Variants in TOR1AIP2 observed in about 807,000 individuals in gnomAD.
TOR1AIP2 encodes torsin 1A interacting protein 2.
In TOR1AIP2, 20 loss-of-function variants were observed where a neutral mutation model predicts 32.6. The observed-to-expected ratio is 0.61, with a 90% CI of 0.43 to 0.89. The LOEUF (loss-of-function observed/expected upper bound fraction) is 0.89, where lower values mean the gene tolerates loss of function less well. TOR1AIP2 is among the 40% of genes least tolerant of loss of function. The pLI is 0.00. For missense variants in TOR1AIP2, 456 were observed against 553.8 expected (o/e 0.82, Z 1.77); for synonymous variants, 214 against 210.8 (o/e 1.02, Z -0.13).
chr1:179,845,784 G>T lies in TOR1AIP2; in HGVS notation c.*287C>A. 3.4e-6 allele frequency: 1 copy of T among 291,680 alleles called. No individual in the cohort carries two copies. The highest frequency in any genetic ancestry group is 6.3e-6 in the Non-Finnish European group (1 of 159,118). 18.1% of individuals were successfully genotyped at this position (291,680 alleles called of 1,614,324 possible). On this transcript the variant is annotated 3_prime_UTR_variant, in exon 7 of 7. Transcript: ENST00000609928. The stretch of plus-strand genomic sequence containing the variant: ...TAAGAGTATCTTCCTGTGCAATGTT[G>T]CTATATTTTAGAATTTAAAAAAAAT...
chr1:179,845,931 T>A lies in TOR1AIP2; in HGVS notation c.*140A>T, dbSNP rs1025094922. 295 of 766,050 alleles carry A rather than the reference T, an allele frequency of 3.9e-4. 1 individual carries two copies. Among genetic ancestry groups the A allele is most frequent in the Non-Finnish European group, 3.7e-4 (187 of 502,616 alleles). The allele number at this position is 766,050 out of a possible 1,614,324, so 47.5% of individuals were successfully genotyped here. A position where few individuals can be genotyped will look rare whatever the true frequency, so the allele number is the denominator to read the frequency against. On this transcript the variant is annotated 3_prime_UTR_variant, in exon 7 of 7. Transcript: ENST00000609928. ...TTACAAGGAATAAAAAATAAAAACTTGTTTCTAAAATAAGCTCATCTTTGT... is the reference window on the plus strand; with the variant it reads ...TTACAAGGAATAAAAAATAAAAACTAGTTTCTAAAATAAGCTCATCTTTGT...
intron 3 of TOR1AIP2, chr1:179,859,068 T>C (rs1558017516): frequency 1.0e-6 from 1 of 983,810 alleles, no homozygotes; most frequent in Non-Finnish European, 1.2e-6. Context: ...AACACAATTT[T>C]ATTTTAGTGA....
chr1:179,852,647 T>G lies in TOR1AIP2; in HGVS notation c.19A>C (p.Arg7=). ...TCAGTCTTACCCTCTTGAGGTTCCC[T>G]AAGTCCACTGTCGGCCATGTTTGTG... MADSGL[R]EPQEDSQKDL... Residue 7 remains arginine (R), a synonymous_variant, in exon 4 of 7, where the codon AGG becomes CGG. Coordinates refer to ENST00000609928, the MANE Select transcript of TOR1AIP2 (RefSeq NM_001199260.2). 1 of 1,614,106 alleles carries G rather than the reference T, an allele frequency of 6.2e-7. No homozygotes were observed.
At chr1:179,870,292 A>G (rs532362644) in intron 2 of TOR1AIP2, among the ~76,000 whole-genome samples, 50 of 152,158 alleles carry the variant, frequency 3.3e-4, no homozygotes, top group African/African-American at 1.1e-3. Flanking sequence ...CCAGCTACTC[A>G]GGAGGCTGAG....
Position 179,864,875 on chromosome 1 carries a change from T to C in TOR1AIP2, c.-147+561A>G, listed in dbSNP as rs1275358231. The C allele has an allele frequency of 7.4e-6, 12 of 1,613,920 alleles. No individual in the cohort carries two copies. The South Asian group carries it at 1.2e-4, about 16-fold the overall frequency. On this transcript the variant is annotated intron_variant, in intron 3 of 6. Coordinates refer to ENST00000609928, the MANE Select transcript of TOR1AIP2 (RefSeq NM_001199260.2). ...GTTAAAACCAGCTACTCGAGAGTCA[T>C]GTATTCTTTTTCTAACCAGTGGAGG...
At chr1:179,876,921 TATATA>T (rs1647360354) in intron 2 of TOR1AIP2, among the ~76,000 whole-genome samples, 1 of 151,924 alleles carries the variant, frequency 6.6e-6, no homozygotes, top group Non-Finnish European at 1.5e-5. Flanking sequence ...GAATGGTACA[TATATA>T]ATATGTAAGC....
chr1:179,846,082 A>C lies in TOR1AIP2; in HGVS notation c.1402T>G (p.Cys468Gly). The change falls in exon 7 of 7, where the codon TGC (cysteine) becomes GGC (glycine). Residue 468 changes from cysteine (C) to glycine (G), a missense_variant. Transcript: ENST00000609928. ...CTCTGTGCTTAGCTTTAGAAAAGGCACCCCTGTTCTTCTATGCTACTCACT... is the reference window on the plus strand; with the variant it reads ...CTCTGTGCTTAGCTTTAGAAAAGGCCCCCCTGTTCTTCTATGCTACTCACT... ...QPVSSIEEQGCLF is the reference protein window; with the variant it reads ...QPVSSIEEQGGLF 1.9e-6 allele frequency: 3 copies of C among 1,612,940 alleles called. No individual in the cohort carries two copies. The highest frequency in any genetic ancestry group is 2.5e-6 in the Non-Finnish European group (3 of 1,179,112).
In TOR1AIP2 at chr1:179,846,069, C is replaced by T. The variant is rs1695889139; in HGVS notation, c.*2G>A. 1 of 1,611,778 alleles carries T rather than the reference C, an allele frequency of 6.2e-7. No homozygotes were observed. The highest frequency in any genetic ancestry group is 1.7e-5 in the Admixed American group (1 of 59,890). ...CTTCTGTAACCAACTCTGTGCTTAG[C>T]TTTAGAAAAGGCACCCCTGTTCTTC... On this transcript the variant is annotated 3_prime_UTR_variant, in exon 7 of 7. Transcript: ENST00000609928.
At chr1:179,868,935 T>A (rs1352343221) in intron 2 of TOR1AIP2, 1 of 152,290 alleles carries the variant, frequency 6.6e-6, no homozygotes, top group Non-Finnish European at 1.5e-5. Context: ...CTCCGCCTCC[T>A]GAGTTCAAGT....
At chr1:179,876,803 A>G (rs1438874554) in intron 2 of TOR1AIP2, among the ~76,000 whole-genome samples, 1 of 152,208 alleles carries the variant, frequency 6.6e-6, no homozygotes, top group African/African-American at 2.4e-5. Flanking sequence ...GTGTAACAGT[A>G]TAAAGTCTGA....
chr1:179,857,371 G>C (rs1047939599), intron 3 of TOR1AIP2, among the ~76,000 whole-genome samples: 3 of 152,210 alleles, frequency 2.0e-5, no homozygotes, highest in Admixed American at 2.0e-4. Context: ...GGTGAAGGCT[G>C]TAAGGTTTTA....
intron 3 of TOR1AIP2, 102 bp downstream of exon 3, chr1:179,865,324 GCTTGCACCTC>G: frequency 2.9e-6 from 3 of 1,029,286 alleles, no homozygotes; most frequent in Non-Finnish European, 4.2e-6. Context: ...AATAAACTTG[GCTTGCACCTC>G]CGTGCAATTC....
chr1:179,856,321 T>C (rs1696300001), intron 3 of TOR1AIP2, among the ~76,000 whole-genome samples: 1 of 152,230 alleles, frequency 6.6e-6, no homozygotes, highest in African/African-American at 2.4e-5. Context: ...TTTTCAAAAA[T>C]GTATTACTTG....
chr1:179,877,041 G>C (rs1347017311), intron 2 of TOR1AIP2, among the ~76,000 whole-genome samples, 198 bp downstream of exon 2: 1 of 151,284 alleles, frequency 6.6e-6, no homozygotes, highest in Non-Finnish European at 1.5e-5. Flanking sequence ...TGAATGTCGA[G>C]AACCTAGGCA....
At chr1:179,861,624 T>C (rs1696535931) in intron 3 of TOR1AIP2, 2 of 985,404 alleles carry the variant, frequency 2.0e-6, no homozygotes, top group Non-Finnish European at 2.4e-6. Flanking sequence ...ATGAGAAAAA[T>C]GTGGCTGAGT....
At chr1:179,854,344 A>C (rs978183338) in intron 3 of TOR1AIP2, among the ~76,000 whole-genome samples, 3 of 152,206 alleles carry the variant, frequency 2.0e-5, no homozygotes, top group African/African-American at 7.2e-5. Context: ...CAGAAAAAAA[A>C]ATATCATGCA....
chr1:179,852,810 G>T lies in TOR1AIP2; in HGVS notation c.-145C>A. On this transcript the variant is annotated splice_region_variant and 5_prime_UTR_variant, in exon 4 of 7. Transcript: ENST00000609928. Reference sequence around the variant, plus strand: ...CCAGGAAATAAGGCATATATACAGTGACTAAAACAAAATGAAAAAAAATTA... The same window carrying T: ...CCAGGAAATAAGGCATATATACAGTTACTAAAACAAAATGAAAAAAAATTA... 1 of 1,422,250 alleles carries T rather than the reference G, an allele frequency of 7.0e-7. No individual in the cohort carries two copies. The highest frequency in any genetic ancestry group is 9.2e-7 in the Non-Finnish European group (1 of 1,082,118). 88.1% of individuals were successfully genotyped at this position (1,422,250 alleles called of 1,614,324 possible).
At chr1:179,860,965 C>T (rs1165785242) in intron 3 of TOR1AIP2, 2 of 985,404 alleles carry the variant, frequency 2.0e-6, no homozygotes, top group Non-Finnish European at 2.4e-6. Context: ...TCACCTGTAA[C>T]TCAGAGATGA....
At chr1:179,861,917 C>G in intron 3 of TOR1AIP2, 4 of 957,248 alleles carry the variant, frequency 4.2e-6, no homozygotes, top group Non-Finnish European at 5.0e-6. Flanking sequence ...CCAGGCTGGT[C>G]TTGAACTCCT....
Sources: allele counts gnomAD v4.1 joint callset (sites outside exome capture counted in the v4.1 genomes callset), GRCh38; gene constraint gnomAD v4.1.1; transcripts MANE v1.5; gene names NCBI Gene and HGNC (gene_info 2026-07-23, HGNC 2026-07-21).